Variants in RAB30 observed in about 807,000 individuals in gnomAD.
RAB30 encodes ras-related protein Rab-30.
Under a neutral mutation model 25.1 loss-of-function variants are expected in RAB30, and 9 were observed. The observed-to-expected ratio is 0.36, with a 90% confidence interval of 0.22 to 0.63. The LOEUF (loss-of-function observed/expected upper bound fraction) is 0.63. Among genes scored for constraint, RAB30 ranks in the 20% least tolerant of loss-of-function variants. RAB30 has a pLI of 0.69. For missense variants in RAB30, 140 were observed against 243.5 expected (o/e 0.58, Z 2.83); for synonymous variants, 77 against 86.4 (o/e 0.89, Z 0.60).
chr11:83,037,750 T>C (rs146233554), intron 1 of RAB30, among the ~76,000 whole-genome samples: 10 of 152,024 alleles, frequency 6.6e-5, no homozygotes, highest in African/African-American at 2.4e-4. Flanking sequence ...TGGACCCCAG[T>C]TGTGTTTGTT....
intron 1 of RAB30, among the ~76,000 whole-genome samples, chr11:83,050,296 T>C (rs962653393): frequency 6.6e-6 from 1 of 152,070 alleles, no homozygotes; most frequent in Admixed American, 6.6e-5. Context: ...TGAATCCCTT[T>C]ATTTACTCAT....
At chr11:83,017,736 A>G (rs1465950824) in intron 1 of RAB30, among the ~76,000 whole-genome samples, 1 of 152,218 alleles carries the variant, frequency 6.6e-6, no homozygotes, top group Non-Finnish European at 1.5e-5. Context: ...TAAGTAGTAT[A>G]TCATGGTGTA....
At chr11:83,008,749 C>G (rs748970866) in intron 1 of RAB30, among the ~76,000 whole-genome samples, 3 of 152,096 alleles carry the variant, frequency 2.0e-5, no homozygotes, top group South Asian at 4.1e-4. Flanking sequence ...TGAATACACC[C>G]CTGCTTAACC....
At chr11:83,061,710 CT>C (rs569263010) in intron 1 of RAB30, among the ~76,000 whole-genome samples, 2,178 of 79,846 alleles carry the variant, frequency 0.027, 53 homozygotes, top group African/African-American at 0.091. Flanking sequence ...TCTTTCTTTT[CT>C]TTTTTTTTTT....
intron 1 of RAB30, among the ~76,000 whole-genome samples, chr11:83,057,201 G>GT (rs535383170): frequency 0.012 from 1,714 of 138,210 alleles, 15 homozygotes; most frequent in African/African-American, 0.022. Flanking sequence ...TCACTTGAGG[G>GT]TTTTTTTTTT....
intron 1 of RAB30, among the ~76,000 whole-genome samples, chr11:83,007,423 A>G (rs1260384598): frequency 6.6e-6 from 1 of 152,180 alleles, no homozygotes; most frequent in African/African-American, 2.4e-5. Flanking sequence ...AGACAATCAA[A>G]TATTTTATTT....
chr11:83,066,868 G>A (rs1220394514), intron 1 of RAB30, among the ~76,000 whole-genome samples: 2 of 152,136 alleles, frequency 1.3e-5, no homozygotes, highest in Admixed American at 1.3e-4. Flanking sequence ...ACATTTTAAT[G>A]GGTCTCTTAA....
intron 1 of RAB30, among the ~76,000 whole-genome samples, chr11:83,046,497 C>CTT (rs200842827): frequency 6.8e-5 from 10 of 146,184 alleles, no homozygotes; most frequent in African/African-American, 2.5e-4. Flanking sequence ...ATAATTTTTA[C>CTT]TTTTTTTTTT....
intron 4 of RAB30, among the ~76,000 whole-genome samples, chr11:82,986,752 T>C (rs899321101): frequency 6.6e-6 from 1 of 152,198 alleles, no homozygotes. Flanking sequence ...AAATCAGGGA[T>C]CATGACACAT....
chr11:83,039,072 T>G (rs1434229226), intron 1 of RAB30: 3 of 152,164 alleles, frequency 2.0e-5, no homozygotes, highest in African/African-American at 7.2e-5. Flanking sequence ...TTCGACAAAG[T>G]TGAAAGAAAA....
chr11:83,039,243 T>G (rs1184853102), intron 1 of RAB30: 1 of 152,230 alleles, frequency 6.6e-6, no homozygotes, highest in Non-Finnish European at 1.5e-5. Flanking sequence ...CTTGAGTTCC[T>G]GCTAGGCACA....
chr11:83,068,666 C>T (rs1312162290), intron 1 of RAB30, among the ~76,000 whole-genome samples: 2 of 152,182 alleles, frequency 1.3e-5, no homozygotes, highest in East Asian at 3.8e-4. Context: ...CCTTTCAAAT[C>T]CTCAGGTTCA....
chr11:82,980,130 T>G lies in RAB30; in HGVS notation c.*2035A>C, dbSNP rs1856613732. The G allele has an allele frequency of 6.6e-6, 1 of 152,238 alleles. No homozygotes were observed. Among genetic ancestry groups the G allele is most frequent in the Non-Finnish European group, 1.5e-5 (1 of 68,028 alleles). The allele number at this position is 152,238 out of a possible 1,614,324, so 9.4% of individuals were successfully genotyped here. A position where few individuals can be genotyped will look rare whatever the true frequency, so the allele number is the denominator to read the frequency against. On this transcript the variant is annotated 3_prime_UTR_variant, in exon 5 of 5. Transcript: ENST00000527633. ...TCTTACAGTTTAAAAAAAATTCTTC[T>G]GCCCTCCTTGATTAACTTGTTTTCT...
intron 1 of RAB30, among the ~76,000 whole-genome samples, chr11:83,000,639 G>A (rs1307963394): frequency 2.0e-5 from 3 of 152,142 alleles, no homozygotes; most frequent in Non-Finnish European, 4.4e-5. Context: ...TTTGCTGGAG[G>A]TCAAAGAACC....
chr11:82,992,913 ATT>A (rs1230844978), intron 3 of RAB30, among the ~76,000 whole-genome samples: 1 of 152,102 alleles, frequency 6.6e-6, no homozygotes, highest in Non-Finnish European at 1.5e-5. Context: ...TGACCAGACA[ATT>A]TTTTATCTTT....
intron 1 of RAB30, among the ~76,000 whole-genome samples, chr11:83,029,992 G>C (rs1381314662): frequency 3.3e-5 from 5 of 152,132 alleles, no homozygotes; most frequent in Admixed American, 6.5e-5. Flanking sequence ...AAGCTGTGAG[G>C]ACACAAAAAC....
In RAB30 at chr11:82,973,353, AC is replaced by A. The variant is rs1856486780; in HGVS notation, c.*8811del. ...GTCATATGGTTTGGTGATTTGACAA[AC>A]TTTTTTCAAGAAGCAAAGTCCAATT... On this transcript the variant is annotated 3_prime_UTR_variant, in exon 5 of 5. Transcript: ENST00000527633. 1 of 152,226 alleles carries A rather than the reference AC, an allele frequency of 6.6e-6. No homozygotes were observed. The allele number at this position is 152,226 out of a possible 1,614,324, so 9.4% of individuals were successfully genotyped here.
chr11:82,976,300 C>G lies in RAB30; in HGVS notation c.*5865G>C, dbSNP rs562676536. 1 of 152,270 alleles carries G rather than the reference C, an allele frequency of 6.6e-6. No homozygotes were observed. Among genetic ancestry groups the G allele is most frequent in the South Asian group, 2.1e-4 (1 of 4,826 alleles). 9.4% of individuals were successfully genotyped at this position (152,270 alleles called of 1,614,324 possible). ...TAATATTTGAGTGCTAACTGTTTAC[C>G]AAGCACTGTACTTTCAACTTATCTC... On this transcript the variant is annotated 3_prime_UTR_variant, in exon 5 of 5. Coordinates refer to ENST00000527633, the MANE Select transcript of RAB30 (RefSeq NM_001286060.2).
intron 1 of RAB30, among the ~76,000 whole-genome samples, chr11:83,053,119 C>G (rs1203428927): frequency 2.0e-5 from 3 of 152,076 alleles, no homozygotes; most frequent in African/African-American, 7.2e-5. Context: ...GCGTCTATGC[C>G]CTGCACCCTG....
Sources: gnomAD v4.1 joint callset for allele counts (sites outside exome capture counted in the v4.1 genomes callset) on GRCh38, gnomAD v4.1.1 for gene constraint, MANE v1.5 for transcripts, NCBI Gene and HGNC (gene_info 2026-07-23, HGNC 2026-07-21) for gene names.